The following PANK1 variants were observed in gnomAD, a reference collection of about 807,000 sequenced individuals.
PANK1 encodes the protein pantothenic acid kinase 1.
PANK1 carries 18 observed loss-of-function variants against 40.1 expected under a neutral mutation model. That is an observed-to-expected ratio of 0.45 (90% CI 0.31 to 0.67). The LOEUF (loss-of-function observed/expected upper bound fraction) is 0.67, where lower values mean the gene tolerates loss of function less well. Ranked by LOEUF, PANK1 falls within the 30% of genes least tolerant of loss-of-function variation. The probability of loss-of-function intolerance (pLI) is 0.06; values close to 1 mark genes in which losing one functional copy is unlikely to be tolerated. For missense variants in PANK1, 457 were observed against 599.6 expected, an observed-to-expected ratio of 0.76 and a Z score of 2.48; for synonymous variants, 242 against 237.7, an observed-to-expected ratio of 1.02 and a Z score of -0.17.
At chr10:89,639,456 T>A (rs546321358) in intron 1 of PANK1, among the ~76,000 whole-genome samples, 2 of 152,358 alleles carry the variant, frequency 1.3e-5, no homozygotes, top group African/African-American at 4.8e-5. Context: ...ACTATGCATG[T>A]ACTAGGGTCC....
At chr10:89,630,828 T>TAA (rs144525379) in intron 1 of PANK1, among the ~76,000 whole-genome samples, 2 of 151,722 alleles carry the variant, frequency 1.3e-5, no homozygotes, top group South Asian at 2.1e-4. Flanking sequence ...TTTAAATAGT[T>TAA]AAAAAAAAAT....
rs753849331 is a variant in PANK1 at position 89,644,942 on chromosome 10, G to A, written c.-51C>T. ...GGGCCCCGGCTCAGGCGGCCTCGCTGGAGGTCATTCTCCGGCGTCTTTATT... is the reference window on the plus strand; with the variant it reads ...GGGCCCCGGCTCAGGCGGCCTCGCTAGAGGTCATTCTCCGGCGTCTTTATT... On this transcript the variant is annotated 5_prime_UTR_variant, in exon 1 of 7. Transcript: ENST00000307534. 1.9e-6 allele frequency: 3 copies of A among 1,569,650 alleles called. No individual in the cohort carries two copies. In the South Asian group the frequency reaches 3.5e-5, roughly 18 times the overall value.
chr10:89,639,454 T>C (rs933233021), intron 1 of PANK1, among the ~76,000 whole-genome samples: 1 of 152,208 alleles, frequency 6.6e-6, no homozygotes, highest in Non-Finnish European at 1.5e-5. Context: ...TTACTATGCA[T>C]GTACTAGGGT....
chr10:89,586,478 C>T (rs536818411), intron 6 of PANK1, among the ~76,000 whole-genome samples: 1 of 152,228 alleles, frequency 6.6e-6, no homozygotes, highest in South Asian at 2.1e-4. Flanking sequence ...CAAGAGCTTT[C>T]TTTAGTATGA....
At position 89,593,979 on chromosome 10, in the gene PANK1, C is replaced by T; in HGVS notation, c.910G>A (p.Gly304Arg). ...KRVTGTSLGG[G>R]TFLGLCCLLT... Reference sequence around the variant, plus strand: ...AAGCAACATAGGCCTAGGAATGTTCCACCTCCAAGACTGAAGGAATAATAA... The same window carrying T: ...AAGCAACATAGGCCTAGGAATGTTCTACCTCCAAGACTGAAGGAATAATAA... Residue 304 changes from glycine to arginine, a missense_variant, in exon 4 of 7, where the codon GGA (glycine) becomes AGA (arginine). Gly to Arg is a moderately radical substitution (Grantham distance 125). Transcript: ENST00000307534. 2 of 1,612,088 alleles carry T rather than the reference C, an allele frequency of 1.2e-6. No homozygotes were observed. The highest frequency in any genetic ancestry group is 1.7e-6 in the Non-Finnish European group (2 of 1,178,254).
At chr10:89,611,265 A>G (rs1240474044) in intron 2 of PANK1, among the ~76,000 whole-genome samples, 1 of 152,246 alleles carries the variant, frequency 6.6e-6, no homozygotes, top group African/African-American at 2.4e-5. Flanking sequence ...ATGGGTAGAT[A>G]GAAGTAATCA....
chr10:89,608,029 A>AATT (rs1564625745), intron 2 of PANK1, among the ~76,000 whole-genome samples: 3 of 142,340 alleles, frequency 2.1e-5, no homozygotes, highest in Non-Finnish European at 1.5e-5. Context: ...ATGATCCTAA[A>AATT]CTTTTTTTTT....
chr10:89,586,687 CT>C (rs1334563159), intron 6 of PANK1, among the ~76,000 whole-genome samples: 2 of 152,224 alleles, frequency 1.3e-5, no homozygotes, highest in African/African-American at 4.8e-5. Flanking sequence ...TACCAGCTCT[CT>C]CAATGTTTTT....
At chr10:89,600,965 G>A (rs1268904248) in intron 2 of PANK1, among the ~76,000 whole-genome samples, 2 of 152,036 alleles carry the variant, frequency 1.3e-5, no homozygotes, top group Admixed American at 1.3e-4. Context: ...AACCCTAAAA[G>A]TTGGTACTAT....
chr10:89,586,896 G>T (rs998361601), intron 6 of PANK1, among the ~76,000 whole-genome samples: 1 of 152,182 alleles, frequency 6.6e-6, no homozygotes. Flanking sequence ...GGAGGCTGAG[G>T]CGGGTGGATT....
In PANK1 at chr10:89,590,230, A is replaced by G. The variant is rs550290057; in HGVS notation, c.1201-1453T>C. ...AATCCAAACGGGAAGCAATAAATGG[A>G]AAATATTATCAGTACATTTCACATA... On this transcript the variant is annotated intron_variant, in intron 5 of 6. Transcript: ENST00000307534. 2.7e-4 allele frequency among the ~76,000 whole-genome samples: 41 copies of G among 152,240 alleles called. No homozygotes were observed. The East Asian group carries it at 3.3e-3, about 12-fold the overall frequency.
chr10:89,624,082 C>T (rs570072489), intron 1 of PANK1, among the ~76,000 whole-genome samples: 64 of 152,310 alleles, frequency 4.2e-4, no homozygotes, highest in African/African-American at 1.5e-3. Flanking sequence ...CGCCCAGACA[C>T]GGGCTGATCA....
intron 2 of PANK1, among the ~76,000 whole-genome samples, chr10:89,601,338 C>G (rs970546658): frequency 6.9e-5 from 9 of 130,792 alleles, no homozygotes; most frequent in Non-Finnish European, 1.4e-4. Flanking sequence ...AAAAAAAAGC[C>G]TGGTGTGGGG....
intron 2 of PANK1, among the ~76,000 whole-genome samples, chr10:89,603,155 C>G (rs981039114): frequency 6.6e-6 from 1 of 152,200 alleles, no homozygotes; most frequent in African/African-American, 2.4e-5. Flanking sequence ...TAACAACCAG[C>G]TCTCTGAAAC....
chr10:89,631,976 G>GTTTTT (rs68094860), intron 1 of PANK1, among the ~76,000 whole-genome samples: 1 of 143,340 alleles, frequency 7.0e-6, no homozygotes, highest in African/African-American at 2.6e-5. Flanking sequence ...GTGTGTGTGT[G>GTTTTT]TTTTTTTTTT....
chr10:89,639,419 A>G (rs1476590804), intron 1 of PANK1, among the ~76,000 whole-genome samples: 1 of 152,080 alleles, frequency 6.6e-6, no homozygotes, highest in Non-Finnish European at 1.5e-5. Context: ...ACACATTCAA[A>G]CCGTGGTAAA....
At position 89,610,076 on chromosome 10, in the gene PANK1, GT is replaced by G. The variant is rs568038174; in HGVS notation, c.645+1619del. Among the ~76,000 whole-genome samples, 13 of 152,258 alleles carry G rather than the reference GT, an allele frequency of 8.5e-5. No homozygotes were observed. In the East Asian group the frequency reaches 1.9e-3, roughly 23 times the overall value. On this transcript the variant is annotated intron_variant, in intron 2 of 6. Coordinates refer to ENST00000307534, the MANE Select transcript of PANK1 (RefSeq NM_148977.3). ...AGTCCAAGTCCCAGCTCTTACCTAG[GT>G]GACACTGCTAGAAGCTTTTGATCTC...
intron 1 of PANK1, among the ~76,000 whole-genome samples, chr10:89,619,004 G>A (rs949559510): frequency 1.3e-5 from 2 of 152,176 alleles, no homozygotes; most frequent in African/African-American, 4.8e-5. Context: ...ATCCTTCGCG[G>A]TTTTTAAAGC....
At position 89,599,248 on chromosome 10, in the gene PANK1, T is replaced by C; in HGVS notation, c.899+4A>G. On this transcript the variant is annotated splice_donor_region_variant and intron_variant, in intron 3 of 6. Transcript: ENST00000307534. ...GGTTCAAGCACAAGCAGAAACATGT[T>C]TACCTGGTCCCTGTAACTCTTTTAT... The C allele has an allele frequency of 6.2e-7, 1 of 1,612,050 alleles. No individual in the cohort carries two copies. Among genetic ancestry groups the C allele is most frequent in the South Asian group, 1.1e-5 (1 of 90,708 alleles).
Sources: gnomAD v4.1 joint callset for allele counts (sites outside exome capture counted in the v4.1 genomes callset) on GRCh38, gnomAD v4.1.1 for gene constraint, MANE v1.5 for transcripts, NCBI Gene and HGNC (gene_info 2026-07-23, HGNC 2026-07-21) for gene names.